NRCAM: variants seen among roughly 807,000 people sequenced by gnomAD.
The protein encoded by NRCAM is NgCAM-related cell adhesion molecule.
NRCAM carries 83 observed loss-of-function variants against 156.5 expected under a neutral mutation model. The observed-to-expected ratio is 0.53, with a 90% CI of 0.44 to 0.64. The LOEUF (loss-of-function observed/expected upper bound fraction) is 0.64. Among genes scored for constraint, NRCAM ranks in the 30% least tolerant of loss-of-function variants. NRCAM has a pLI of 0.00. For missense variants in NRCAM, 1,417 were observed against 1,597.3 expected (o/e 0.89, Z 1.92); for synonymous variants, 538 against 563.9 (o/e 0.95, Z 0.65).
Position 108,234,713 on chromosome 7 carries a change from TA to T in NRCAM, c.125-26del, listed in dbSNP as rs756483940. The T allele has an allele frequency of 3.3e-5, 49 of 1,469,980 alleles. No homozygotes were observed. The Admixed American group carries it at 6.6e-4, about 20-fold the overall frequency. 91.1% of individuals were successfully genotyped at this position (1,469,980 alleles called of 1,614,324 possible). On this transcript the variant is annotated intron_variant, in intron 5 of 32. Coordinates refer to ENST00000379028, the MANE Select transcript of NRCAM (RefSeq NM_001037132.4). ...ACTTAATTGTAGAAAAAAAAAAATG[TA>T]AAAAAACAAATTATTTAAAATCATA...
intron 3 of NRCAM, among the ~76,000 whole-genome samples, chr7:108,245,064 T>C (rs1384233700): frequency 6.6e-6 from 1 of 152,162 alleles, no homozygotes; most frequent in Non-Finnish European, 1.5e-5. Context: ...TAACTTATCT[T>C]CCCAACAATT....
chr7:108,445,303 T>C (rs1842996542), intron 1 of NRCAM, among the ~76,000 whole-genome samples: 1 of 152,202 alleles, frequency 6.6e-6, no homozygotes, highest in African/African-American at 2.4e-5. Flanking sequence ...CAACATGACT[T>C]TAACATATAT....
At chr7:108,228,641 G>C (rs928112840) in intron 8 of NRCAM, among the ~76,000 whole-genome samples, 1 of 152,212 alleles carries the variant, frequency 6.6e-6, no homozygotes, top group Non-Finnish European at 1.5e-5. Context: ...GAATGCATGT[G>C]AGTGGAAAAA....
chr7:108,386,370 T>G (rs1038883412), intron 2 of NRCAM, among the ~76,000 whole-genome samples: 4 of 152,186 alleles, frequency 2.6e-5, no homozygotes, highest in African/African-American at 9.6e-5. Context: ...AGTCTAAAAA[T>G]CTAGTCCCAT....
At chr7:108,210,411 T>G (rs1399470343) in intron 11 of NRCAM, among the ~76,000 whole-genome samples, 1 of 152,170 alleles carries the variant, frequency 6.6e-6, no homozygotes, top group Non-Finnish European at 1.5e-5. Flanking sequence ...CATGCCTAGC[T>G]AATTTTTTGT....
intron 1 of NRCAM, among the ~76,000 whole-genome samples, chr7:108,405,311 G>C (rs915246676): frequency 3.9e-5 from 6 of 152,252 alleles, no homozygotes; most frequent in African/African-American, 1.2e-4. Flanking sequence ...TCACGCCTCA[G>C]TGCGGCTTCT....
intron 11 of NRCAM, among the ~76,000 whole-genome samples, chr7:108,218,152 T>C (rs1405795323): frequency 7.2e-6 from 1 of 139,470 alleles, no homozygotes; most frequent in Non-Finnish European, 1.5e-5. Context: ...CATGGCACAG[T>C]CCCTCACGGC....
chr7:108,211,106 T>C (rs992736189), intron 11 of NRCAM, among the ~76,000 whole-genome samples: 1 of 152,188 alleles, frequency 6.6e-6, no homozygotes. Flanking sequence ...TCCCAAATAC[T>C]GTGAGTGCCC....
chr7:108,353,614 C>T (rs1028268683), intron 2 of NRCAM, among the ~76,000 whole-genome samples: 1 of 152,188 alleles, frequency 6.6e-6, no homozygotes, highest in African/African-American at 2.4e-5. Context: ...AACCACTGCA[C>T]CTGGCCTTCC....
intron 3 of NRCAM, among the ~76,000 whole-genome samples, chr7:108,290,265 T>A (rs2098245635): frequency 6.6e-6 from 1 of 152,092 alleles, no homozygotes; most frequent in South Asian, 2.1e-4. Context: ...GAATAAGGAC[T>A]AGGAAGACAA....
At chr7:108,428,331 T>C (rs576621995) in intron 1 of NRCAM, among the ~76,000 whole-genome samples, 53 of 152,308 alleles carry the variant, frequency 3.5e-4, no homozygotes, top group Middle Eastern at 3.4e-3. Flanking sequence ...TGTGCCTACA[T>C]ATATTAGTGA....
chr7:108,288,004 C>T (rs769549697), intron 3 of NRCAM, among the ~76,000 whole-genome samples: 15 of 151,956 alleles, frequency 9.9e-5, no homozygotes, highest in Non-Finnish European at 1.8e-4. Context: ...AAAAATGTAG[C>T]GTATATACAT....
chr7:108,195,805 T>A lies in NRCAM; in HGVS notation c.1419A>T (p.Leu473Phe). ...LYQVIANRPA[L>F]LDCAFFGSPL... is the part of the protein sequence containing the mutation. ...GAGACCCAAAGAAGGCACAGTCTAGTAAAGCAGGCCTGTTTGCAATGACCT... is the reference window on the plus strand; with the variant it reads ...GAGACCCAAAGAAGGCACAGTCTAGAAAAGCAGGCCTGTTTGCAATGACCT... Residue 473 changes from leucine to phenylalanine, a missense_variant, in exon 15 of 33, where the codon TTA becomes TTT. By Grantham distance (22) the Leu-to-Phe change is conservative (BLOSUM62 0). Transcript: ENST00000379028. The A allele has an allele frequency of 6.2e-7, 1 of 1,613,642 alleles. No individual in the cohort carries two copies.
intron 13 of NRCAM, among the ~76,000 whole-genome samples, chr7:108,200,154 G>T (rs1412867194): frequency 7.2e-5 from 11 of 152,118 alleles, no homozygotes; most frequent in African/African-American, 2.4e-4. Flanking sequence ...GTTATGTGGG[G>T]GTGTCGAGAT....
At chr7:108,342,732 T>C (rs1563346887) in intron 2 of NRCAM, among the ~76,000 whole-genome samples, 1 of 152,208 alleles carries the variant, frequency 6.6e-6, no homozygotes, top group Non-Finnish European at 1.5e-5. Flanking sequence ...TGGCAAAGGG[T>C]TGGCCTCATT....
chr7:108,318,039 C>CCT (rs1554503979), intron 2 of NRCAM, among the ~76,000 whole-genome samples: 1 of 72,816 alleles, frequency 1.4e-5, no homozygotes, highest in African/African-American at 5.8e-5. Flanking sequence ...TTCACTTTTC[C>CCT]TTTTTTTTTT....
At chr7:108,277,887 G>T (rs368572067) in intron 3 of NRCAM, among the ~76,000 whole-genome samples, 1 of 152,122 alleles carries the variant, frequency 6.6e-6, no homozygotes. Flanking sequence ...ATCTACCTTT[G>T]GTCTTTGATG....
At chr7:108,220,047 T>C (rs139932009) in intron 11 of NRCAM, among the ~76,000 whole-genome samples, 8,231 of 151,272 alleles carry the variant, frequency 0.054, 256 homozygotes, top group Middle Eastern at 0.072. Context: ...AGCTCTTCTA[T>C]ACACCAACAG....
At chr7:108,254,786 A>G (rs1038684268) in intron 3 of NRCAM, among the ~76,000 whole-genome samples, 6 of 152,086 alleles carry the variant, frequency 3.9e-5, no homozygotes, top group African/African-American at 1.4e-4. Context: ...CCTGAGCTTT[A>G]GTAATCCACC....
Sources: gnomAD v4.1 joint callset for allele counts (sites outside exome capture counted in the v4.1 genomes callset) on GRCh38, gnomAD v4.1.1 for gene constraint, MANE v1.5 for transcripts, NCBI Gene and HGNC (gene_info 2026-07-23, HGNC 2026-07-21) for gene names.